DENND5A: variants seen among roughly 807,000 people sequenced by gnomAD.
DENND5A encodes DENN domain containing 5A, also known as DENN domain-containing protein 5A.
DENND5A carries 64 observed loss-of-function variants against 140.3 expected under a neutral mutation model. That is an observed-to-expected ratio of 0.46 (90% CI 0.37 to 0.56). The LOEUF (loss-of-function observed/expected upper bound fraction) is 0.56. Among genes scored for constraint, DENND5A ranks in the 20% least tolerant of loss-of-function variants. DENND5A has a pLI of 0.00. For synonymous variants in DENND5A, 605 were observed against 607.7 expected, an observed-to-expected ratio of 1.00 and a Z score of 0.07; for missense variants, 1,292 against 1,593.8, an observed-to-expected ratio of 0.81 and a Z score of 3.22.
chr11:9,243,477 G>C (rs1030558404), intron 1 of DENND5A, among the ~76,000 whole-genome samples: 2 of 152,092 alleles, frequency 1.3e-5, no homozygotes, highest in African/African-American at 4.8e-5. Flanking sequence ...TTCCACCTCT[G>C]CCACTCCAAG....
At chr11:9,234,314 C>A (rs1042132870) in intron 1 of DENND5A, among the ~76,000 whole-genome samples, 2 of 149,140 alleles carry the variant, frequency 1.3e-5, no homozygotes, top group African/African-American at 5.0e-5. Flanking sequence ...TCCCACCGAT[C>A]CCCCCCCCAA....
intron 1 of DENND5A, among the ~76,000 whole-genome samples, chr11:9,259,385 C>G (rs565648915): frequency 1.3e-5 from 2 of 151,244 alleles, no homozygotes; most frequent in African/African-American, 4.9e-5. Context: ...GGTGACACCC[C>G]ATCTCTACTA....
At chr11:9,158,504 T>G (rs576181811) in intron 12 of DENND5A, among the ~76,000 whole-genome samples, 4 of 152,228 alleles carry the variant, frequency 2.6e-5, no homozygotes, top group African/African-American at 7.2e-5. Flanking sequence ...GCAGAGATCA[T>G]GCTAGTGCAC....
chr11:9,242,214 T>A (rs1390125428), intron 1 of DENND5A, among the ~76,000 whole-genome samples: 2 of 152,158 alleles, frequency 1.3e-5, no homozygotes, highest in Non-Finnish European at 2.9e-5. Flanking sequence ...CACTCATTGA[T>A]GTGTCTTAAG....
Position 9,142,115 on chromosome 11 carries a change from A to C in DENND5A, c.3512-7T>G, listed in dbSNP as rs897876432. On this transcript the variant is annotated splice_polypyrimidine_tract_variant and splice_region_variant and intron_variant, in intron 21 of 22. Coordinates refer to ENST00000328194, the MANE Select transcript of DENND5A (RefSeq NM_015213.4). Reference sequence around the variant, plus strand: ...TAATAGGTTTGTGCTTTTTCTGTGAAGAGTAGAAAAGCTTGCCAGTGAAAA... The same window carrying C: ...TAATAGGTTTGTGCTTTTTCTGTGACGAGTAGAAAAGCTTGCCAGTGAAAA... 6.4e-7 allele frequency: 1 copy of C among 1,570,556 alleles called. No homozygotes were observed. The highest frequency in any genetic ancestry group is 1.4e-5 in the African/African-American group (1 of 73,746).
At chr11:9,221,305 C>T (rs1365668024) in intron 1 of DENND5A, among the ~76,000 whole-genome samples, 1 of 151,610 alleles carries the variant, frequency 6.6e-6, no homozygotes, top group Non-Finnish European at 1.5e-5. Context: ...GTGGCGAGTG[C>T]CTGTAGTCTC....
Position 9,227,644 on chromosome 11 carries a change from T to C in DENND5A, c.110-20012A>G, listed in dbSNP as rs1850585758. 2.6e-5 allele frequency among the ~76,000 whole-genome samples: 4 copies of C among 152,216 alleles called. No individual in the cohort carries two copies. In the South Asian group the frequency reaches 6.2e-4, roughly 24 times the overall value. ...TTTTGTTTAATTTCTTCTAGGTAAC[T>C]TGTCCAAGGTCTCTGTGAAAAATGC... On this transcript the variant is annotated intron_variant, in intron 1 of 22. Transcript: ENST00000328194.
At chr11:9,224,095 G>A (rs990661476) in intron 1 of DENND5A, among the ~76,000 whole-genome samples, 1 of 152,234 alleles carries the variant, frequency 6.6e-6, no homozygotes, top group Non-Finnish European at 1.5e-5. Flanking sequence ...TAGGGAGGCT[G>A]AGGCAGGAGA....
intron 1 of DENND5A, among the ~76,000 whole-genome samples, chr11:9,231,249 A>G (rs566888398): frequency 2.4e-4 from 37 of 152,368 alleles, no homozygotes; most frequent in African/African-American, 8.2e-4. Context: ...CTACTGCACT[A>G]AAGTGGCAAC....
intron 1 of DENND5A, among the ~76,000 whole-genome samples, chr11:9,227,162 C>T (rs1850563420): frequency 1.3e-5 from 2 of 149,528 alleles, no homozygotes; most frequent in East Asian, 3.9e-4. Flanking sequence ...GAGTGAAACT[C>T]CATCTCAAAA....
chr11:9,252,939 TCC>T (rs1233366466), intron 1 of DENND5A, among the ~76,000 whole-genome samples: 2 of 151,238 alleles, frequency 1.3e-5, no homozygotes, highest in African/African-American at 4.9e-5. Flanking sequence ...AGTCTGGACC[TCC>T]CTGGACTCAG....
chr11:9,261,269 T>C (rs757582982), intron 1 of DENND5A, among the ~76,000 whole-genome samples: 4 of 152,224 alleles, frequency 2.6e-5, no homozygotes, highest in Non-Finnish European at 5.9e-5. Flanking sequence ...AGAATGTAGA[T>C]GCTACCTGAG....
At chr11:9,224,528 C>G (rs989526244) in intron 1 of DENND5A, among the ~76,000 whole-genome samples, 1 of 152,108 alleles carries the variant, frequency 6.6e-6, no homozygotes, top group Admixed American at 6.6e-5. Flanking sequence ...CCCTTCTTCA[C>G]CTGATTAGCC....
At chr11:9,197,080 G>A (rs569587725) in intron 4 of DENND5A, among the ~76,000 whole-genome samples, 2 of 151,356 alleles carry the variant, frequency 1.3e-5, no homozygotes, top group South Asian at 2.1e-4. Context: ...CAAGGTAGGC[G>A]GATCGCTTGA....
intron 1 of DENND5A, 37 bp downstream of exon 1, chr11:9,264,924 G>GGC: frequency 6.7e-7 from 1 of 1,492,066 alleles, no homozygotes. Context: ...GACGACAGCG[G>GGC]GCGCGGGAAA....
chr11:9,161,837 T>C (rs1303691461), intron 11 of DENND5A, among the ~76,000 whole-genome samples: 1 of 151,994 alleles, frequency 6.6e-6, no homozygotes, highest in Non-Finnish European at 1.5e-5. Flanking sequence ...AAACATAGTA[T>C]AAAACAATAT....
At position 9,177,685 on chromosome 11, in the gene DENND5A, A is replaced by C. The variant is rs575004698; in HGVS notation, c.1906+447T>G. On this transcript the variant is annotated intron_variant, in intron 8 of 22. Transcript: ENST00000328194. ...GCAGAAAAAAGGGCAGAAAAGAAAG[A>C]GCTTCTGTAACCATGAGGCTTTCAT... Among the ~76,000 whole-genome samples the C allele has an allele frequency of 2.0e-5, 3 of 150,254 alleles. No individual in the cohort carries two copies. The East Asian group carries it at 5.9e-4, about 30-fold the overall frequency.
At chr11:9,249,235 A>T (rs780514464) in intron 1 of DENND5A, among the ~76,000 whole-genome samples, 6 of 152,182 alleles carry the variant, frequency 3.9e-5, no homozygotes, top group Non-Finnish European at 2.9e-5. Flanking sequence ...CTCAAAAAAA[A>T]AAAGAAAAAG....
intron 1 of DENND5A, among the ~76,000 whole-genome samples, chr11:9,220,226 G>T (rs183646701): frequency 3.2e-4 from 48 of 152,304 alleles, no homozygotes; most frequent in African/African-American, 1.2e-3. Context: ...TGCAAAAAAT[G>T]ATAGTTTGCT....
Sources: allele counts gnomAD v4.1 joint callset (sites outside exome capture counted in the v4.1 genomes callset), GRCh38; gene constraint gnomAD v4.1.1; transcripts MANE v1.5; gene names NCBI Gene and HGNC (gene_info 2026-07-23, HGNC 2026-07-21).